ANKRD26: variants seen among roughly 807,000 people sequenced by gnomAD.
ANKRD26 encodes the protein ankyrin repeat domain 26.
In ANKRD26, 141 loss-of-function variants were observed where a neutral mutation model predicts 208.7. That is an observed-to-expected ratio of 0.68 (90% CI 0.59 to 0.78). The LOEUF (loss-of-function observed/expected upper bound fraction) is 0.78, where lower values mean the gene tolerates loss of function less well. Among genes scored for constraint, ANKRD26 ranks in the 30% least tolerant of loss-of-function variants. ANKRD26 has a pLI of 0.00. For missense variants in ANKRD26, 1,889 were observed against 1,938.7 expected, an observed-to-expected ratio of 0.97 and a Z score of 0.48; for synonymous variants, 636 against 660.4, an observed-to-expected ratio of 0.96 and a Z score of 0.57.
chr10:26,987,299 A>T (rs1209465959), downstream of ANKRD26, among the ~76,000 whole-genome samples: 61 of 152,208 alleles, frequency 4.0e-4, no homozygotes, highest in Non-Finnish European at 2.9e-5. Flanking sequence ...GGTATGGGGG[A>T]TGGATAGCAT....
At chr10:27,077,239 A>G (rs2055730719) in intron 9 of ANKRD26, 99 bp downstream of exon 9, 1 of 1,077,590 alleles carries the variant, frequency 9.3e-7, no homozygotes, top group South Asian at 1.3e-5. Context: ...ACATAATTAG[A>G]AACAAAAACT....
At chr10:27,092,668 C>A (rs1188270822) in intron 3 of ANKRD26, among the ~76,000 whole-genome samples, 156 bp from the exon 4 acceptor site, 1 of 152,156 alleles carries the variant, frequency 6.6e-6, no homozygotes, top group Non-Finnish European at 1.5e-5. Flanking sequence ...TCTGCCTCAC[C>A]ACATGAACTC....
chr10:26,966,691 C>T, the ANKRD26 span, among the ~76,000 whole-genome samples: 1 of 152,122 alleles, frequency 6.6e-6, no homozygotes. Context: ...TGTTTAATTG[C>T]AAGGAAGGCG....
intron 29 of ANKRD26, among the ~76,000 whole-genome samples, chr10:27,019,096 C>T (rs139052108): frequency 0.015 from 2,216 of 151,892 alleles, 33 homozygotes; most frequent in Middle Eastern, 0.031. Context: ...CTAGCTAACA[C>T]GGTGAAACCC....
chr10:27,009,966 A>G (rs1208777994), intron 32 of ANKRD26, among the ~76,000 whole-genome samples: 4 of 152,216 alleles, frequency 2.6e-5, no homozygotes, highest in Admixed American at 1.3e-4. Flanking sequence ...GGATTCTTTC[A>G]TAACCAGTAG....
intron 9 of ANKRD26, among the ~76,000 whole-genome samples, chr10:27,075,073 G>A (rs2055648844): frequency 6.6e-6 from 1 of 152,248 alleles, no homozygotes; most frequent in African/African-American, 2.4e-5. Context: ...AGCCCTACAA[G>A]AAATATTTAT....
the ANKRD26 span, among the ~76,000 whole-genome samples, chr10:26,963,682 T>C: frequency 6.6e-6 from 1 of 152,138 alleles, no homozygotes; most frequent in Non-Finnish European, 1.5e-5. Context: ...TAACAGGGTA[T>C]AGCGGTCTCA....
In ANKRD26 at chr10:27,035,312, G is replaced by A. The variant is rs758679838; in HGVS notation, c.3138C>T (p.Asp1046=). The A allele has an allele frequency of 6.2e-7, 1 of 1,613,838 alleles. No homozygotes were observed. The highest frequency in any genetic ancestry group is 8.5e-7 in the Non-Finnish European group (1 of 1,179,886). The change falls in exon 24 of 34, where the codon GAC becomes GAT. Residue 1046 remains aspartate, a synonymous_variant. Coordinates refer to ENST00000376087, the MANE Select transcript of ANKRD26 (RefSeq NM_014915.3). ...RARDECSRLQ[D]KMNFDVSNLK... is the part of the protein sequence containing the mutation. Reference sequence around the variant, plus strand: ...GGTTAGACACATCAAAATTCATTTTGTCCTGTAAACGAGAACATTCATCTC... The same window carrying A: ...GGTTAGACACATCAAAATTCATTTTATCCTGTAAACGAGAACATTCATCTC...
intron 29 of ANKRD26, among the ~76,000 whole-genome samples, chr10:27,019,028 C>T (rs2053399234): frequency 6.6e-6 from 1 of 152,116 alleles, no homozygotes; most frequent in African/African-American, 2.4e-5. Context: ...GCCTGTAAAT[C>T]CCAGCACTTT....
chr10:27,096,898 C>A (rs2056484986), intron 1 of ANKRD26, among the ~76,000 whole-genome samples: 2 of 151,938 alleles, frequency 1.3e-5, no homozygotes, highest in Non-Finnish European at 2.9e-5. Flanking sequence ...CATTAATATG[C>A]TTATAACTAG....
chr10:27,019,662 C>T (rs988057394), intron 29 of ANKRD26, among the ~76,000 whole-genome samples: 1 of 152,204 alleles, frequency 6.6e-6, no homozygotes, highest in Non-Finnish European at 1.5e-5. Context: ...TCCTCAATAG[C>T]TCTTACGTCT....
chr10:26,956,345 A>G, the ANKRD26 span, among the ~76,000 whole-genome samples: 2 of 152,210 alleles, frequency 1.3e-5, no homozygotes, highest in East Asian at 3.8e-4. Context: ...GAACCATCTA[A>G]TAAGAACTAA....
At chr10:26,952,082 T>G in the ANKRD26 span, among the ~76,000 whole-genome samples, 6 of 152,232 alleles carry the variant, frequency 3.9e-5, no homozygotes, top group African/African-American at 1.4e-4. Flanking sequence ...CAGGGCCAGA[T>G]AGCAGCCTCT....
chr10:27,093,774 T>G lies in ANKRD26; in HGVS notation c.268A>C (p.Asn90His), dbSNP rs1285150234. Reference protein sequence around the residue: ...NRTALHLACANGHPEVVTLLV... With the variant: ...NRTALHLACAHGHPEVVTLLV... ...AGAGTTACTACTTCTGGATGACCAT[T>G]GGCACAGGCCAAATGTAGAGCCGTC... is the stretch of plus-strand genomic sequence containing the variant. The change falls in exon 2 of 34, where the codon AAT becomes CAT. Residue 90 changes from asparagine (N) to histidine (H), a missense_variant. Around this residue, in one of 3 missense-constraint regions of ANKRD26, gnomAD observed 1,272 missense variants for 1,273.8 expected, o/e 1.00. Coordinates refer to ENST00000376087, the MANE Select transcript of ANKRD26 (RefSeq NM_014915.3). The G allele has an allele frequency of 1.2e-6, 2 of 1,614,124 alleles. No individual in the cohort carries two copies. Among genetic ancestry groups the G allele is most frequent in the Non-Finnish European group, 1.7e-6 (2 of 1,180,046 alleles).
intron 32 of ANKRD26, among the ~76,000 whole-genome samples, chr10:27,009,184 CT>C (rs1400567109): frequency 2.6e-5 from 4 of 152,062 alleles, no homozygotes; most frequent in Admixed American, 6.6e-5. Context: ...AGGGCAACTA[CT>C]TTTGAGAAAA....
intron 32 of ANKRD26, among the ~76,000 whole-genome samples, chr10:27,009,763 T>C (rs1234567545): frequency 6.6e-6 from 1 of 152,178 alleles, no homozygotes. Flanking sequence ...TTTATAAAAA[T>C]GCTCCTCCTT....
chr10:27,036,111 T>C (rs1250822440), intron 23 of ANKRD26, among the ~76,000 whole-genome samples: 1 of 152,084 alleles, frequency 6.6e-6, no homozygotes, highest in Non-Finnish European at 1.5e-5. Context: ...ATCTAACCCA[T>C]ACACCAACCC....
At position 27,034,893 on chromosome 10, in the gene ANKRD26, CTT is replaced by C. The variant is rs766545717; in HGVS notation, c.3555_3556del (p.Leu1187SerfsTer7). On this transcript the variant is annotated frameshift_variant, in exon 24 of 34. Coordinates refer to ENST00000376087, the MANE Select transcript of ANKRD26 (RefSeq NM_014915.3). LOFTEE classifies it high-confidence loss of function. Reference sequence around the variant, plus strand: ...CTTATTTCTTTCTTCTAGCAGAAGACTTTGCTTTTCACTCTCAGCTTGAAGTT... The same window carrying C: ...CTTATTTCTTTCTTCTAGCAGAAGACTGCTTTTCACTCTCAGCTTGAAGTT... 3.1e-6 allele frequency: 5 copies of C among 1,613,804 alleles called. No individual in the cohort carries two copies. The highest frequency in any genetic ancestry group is 1.1e-5 in the South Asian group (1 of 90,978).
intron 4 of ANKRD26, among the ~76,000 whole-genome samples, chr10:26,997,526 G>T (rs1361956916): frequency 6.6e-6 from 1 of 152,174 alleles, no homozygotes; most frequent in East Asian, 1.9e-4. Flanking sequence ...GTCTTTTACA[G>T]TAGTAACAGG....
Sources: allele counts gnomAD v4.1 joint callset (sites outside exome capture counted in the v4.1 genomes callset), GRCh38; gene constraint gnomAD v4.1.1; regional missense constraint gnomAD v4.1.1; transcripts MANE v1.5; gene names NCBI Gene and HGNC (gene_info 2026-07-23, HGNC 2026-07-21).